Variants in ERV3-1 observed in about 807,000 individuals in gnomAD.
The protein encoded by ERV3-1 is endogenous retrovirus group 3 member 1, envelope.
In ERV3-1, 36 loss-of-function variants were observed where a neutral mutation model predicts 24.6. The observed-to-expected ratio is 1.47, with a 90% CI of 1.12 to 1.94. The LOEUF (loss-of-function observed/expected upper bound fraction) is 1.94, where lower values mean the gene tolerates loss of function less well. Ranked by LOEUF, ERV3-1 falls within the 30% of genes most tolerant of loss-of-function variation. ERV3-1 has a pLI of 0.00. For synonymous variants in ERV3-1, 211 were observed against 122.6 expected (o/e 1.72, Z -4.76); for missense variants, 578 against 330.9 (o/e 1.75, Z -5.79).
chr7:64,994,533 G>A (rs1412753988), intron 1 of ERV3-1, among the ~76,000 whole-genome samples: 1 of 152,134 alleles, frequency 6.6e-6, no homozygotes, highest in African/African-American at 2.4e-5. Context: ...TGCCCATTTT[G>A]CCTCCCTGTC....
chr7:65,006,417 G>C, intron 1 of ERV3-1, 124 bp downstream of exon 1: 2 of 1,446,548 alleles, frequency 1.4e-6, no homozygotes, highest in African/African-American at 2.8e-5. Flanking sequence ...CTGCGCCAAG[G>C]AGAACTCGGG....
At chr7:64,996,972 A>C (rs575420726) in intron 1 of ERV3-1, among the ~76,000 whole-genome samples, 2 of 152,230 alleles carry the variant, frequency 1.3e-5, no homozygotes, top group African/African-American at 4.8e-5. Flanking sequence ...CTTGGGACAC[A>C]ATAGCCCTTG....
chr7:64,998,908 C>T (rs1786462341), intron 1 of ERV3-1, among the ~76,000 whole-genome samples: 1 of 152,212 alleles, frequency 6.6e-6, no homozygotes, highest in African/African-American at 2.4e-5. Flanking sequence ...CCATCTCTTT[C>T]ACATTTATTC....
At position 64,992,291 on chromosome 7, in the gene ERV3-1, G is replaced by T. The variant is rs373567172; in HGVS notation, c.736C>A (p.Arg246Ser). The T allele has an allele frequency of 6.5e-6, 5 of 766,112 alleles. No individual in the cohort carries two copies. Among genetic ancestry groups the T allele is most frequent in the Non-Finnish European group, 1.2e-5 (5 of 417,858 alleles). The allele number at this position is 766,112 out of a possible 1,614,324, so 47.5% of individuals were successfully genotyped here. Residue 246 changes from arginine (R) to serine (S), a missense_variant, in exon 2 of 2, where the codon CGC becomes AGC. Arg to Ser is a moderately radical substitution (Grantham distance 110). Transcript: ENST00000394323. The part of the protein sequence containing the change: ...YLYIIKKTRT[R>S]STQQFRVFES... ...AAAACTCGGAACTGTTGGGTTGAGC[G>T]GGTCCGAGTTTTCTTTATGATATAT...
intron 1 of ERV3-1, among the ~76,000 whole-genome samples, chr7:64,996,395 A>G (rs971689945): frequency 3.3e-5 from 5 of 152,180 alleles, no homozygotes; most frequent in Admixed American, 6.5e-5. Context: ...CAGCCAGCCC[A>G]GGTGGCTTGT....
intron 1 of ERV3-1, among the ~76,000 whole-genome samples, chr7:64,994,314 A>G (rs1786355186): frequency 6.6e-6 from 1 of 152,142 alleles, no homozygotes; most frequent in Non-Finnish European, 1.5e-5. Context: ...TCCATGATGC[A>G]ATTACTTCAC....
chr7:64,993,115 G>A lies in ERV3-1; in HGVS notation c.-89C>T, dbSNP rs1786321328. The A allele has an allele frequency of 3.3e-6, 2 of 613,152 alleles. No individual in the cohort carries two copies. The highest frequency in any genetic ancestry group is 2.7e-5 in the East Asian group (1 of 36,928). The allele number at this position is 613,152 out of a possible 1,614,324, so 38.0% of individuals were successfully genotyped here. ...AATTAATATGACAAGGAAAATTACT[G>A]GACTTCAGATTTCTAACCACATTTA... is the stretch of plus-strand genomic sequence containing the variant. On this transcript the variant is annotated 5_prime_UTR_variant, in exon 2 of 2. Transcript: ENST00000394323.
intron 1 of ERV3-1, among the ~76,000 whole-genome samples, chr7:64,996,675 G>A (rs550516794): frequency 3.3e-5 from 5 of 152,330 alleles, no homozygotes. Context: ...AGGAATTTAT[G>A]TTGGACCTCT....
intron 1 of ERV3-1, among the ~76,000 whole-genome samples, chr7:65,001,725 G>T (rs1373243291): frequency 6.6e-6 from 1 of 152,162 alleles, no homozygotes; most frequent in African/African-American, 2.4e-5. Context: ...TCCAGGCCAG[G>T]CCTCTGAGAT....
rs1786387382 is a variant in ERV3-1, at chr7:64,995,461, G to C, written c.-388-2047C>G. Among the ~76,000 whole-genome samples, 3 of 152,232 alleles carry C rather than the reference G, an allele frequency of 2.0e-5. No individual in the cohort carries two copies. In the South Asian group the frequency reaches 6.2e-4, roughly 32 times the overall value. The stretch of plus-strand genomic sequence containing the variant: ...GCCTGAGTTAGGGCTTCTTTGATTT[G>C]TTTAAACACCTTCTTCTGGTCAGCC... On this transcript the variant is annotated intron_variant, in intron 1 of 1. Transcript: ENST00000394323.
intron 1 of ERV3-1, among the ~76,000 whole-genome samples, chr7:65,003,106 A>G (rs1306385815): frequency 6.6e-6 from 1 of 152,124 alleles, no homozygotes; most frequent in East Asian, 1.9e-4. Flanking sequence ...CACTTTTTTC[A>G]GTATAAAGGC....
intron 1 of ERV3-1, among the ~76,000 whole-genome samples, chr7:64,994,589 TC>T (rs1308267138): frequency 1.3e-5 from 2 of 152,212 alleles, no homozygotes; most frequent in African/African-American, 2.4e-5. Context: ...CCCTCTGGTG[TC>T]CCCTGCAGTG....
At chr7:65,005,821 A>G (rs990744813) in intron 1 of ERV3-1, among the ~76,000 whole-genome samples, 1 of 152,224 alleles carries the variant, frequency 6.6e-6, no homozygotes, top group African/African-American at 2.4e-5. Context: ...CTACTTGCAA[A>G]AAAATCTAAC....
rs200872730 is a variant in ERV3-1, at chr7:64,992,678, C to G, written c.349G>C (p.Val117Leu). The change falls in exon 2 of 2, where the codon GTA becomes CTA. Residue 117 changes from valine (V) to leucine (L), a missense_variant. Val to Leu is a conservative substitution (Grantham distance 32). Transcript: ENST00000394323. ...TKVFPSGKDV[V>L]SLYFDVCQIV... is the part of the protein sequence containing the mutation. ...TGGCAAACATCAAAGTATAAGGATA[C>G]GACATCCTTGCCAGAGGGAAATACC... is the stretch of plus-strand genomic sequence containing the variant. The G allele has an allele frequency of 1.3e-6, 1 of 765,880 alleles. No homozygotes were observed. The highest frequency in any genetic ancestry group is 2.4e-5 in the East Asian group (1 of 41,224). 47.4% of individuals were successfully genotyped at this position (765,880 alleles called of 1,614,324 possible).
rs376544053 is a variant in ERV3-1, at chr7:64,992,940, G to C, written c.87C>G (p.Leu29=). The C allele has an allele frequency of 1.3e-5, 10 of 766,308 alleles. No homozygotes were observed. The African/African-American group carries it at 1.4e-4, about 10-fold the overall frequency. The allele number at this position is 766,308 out of a possible 1,614,324, so 47.5% of individuals were successfully genotyped here. A position where few individuals can be genotyped will look rare whatever the true frequency, so the allele number is the denominator to read the frequency against. ...CCGACCACGTAGTGTGGGTGCAGTG[G>C]AGGCATCCCTCCCAGGGTTCTCCTT... ...MLKGEPWEGC[L]HCTHTTWSGN... Residue 29 remains leucine, a synonymous_variant, in exon 2 of 2, where the codon CTC becomes CTG. Coordinates refer to ENST00000394323, the MANE Select transcript of ERV3-1 (RefSeq NM_001007253.4).
chr7:64,992,154 T>C lies in ERV3-1; in HGVS notation c.873A>G (p.Ser291=), dbSNP rs6957874. Residue 291 remains serine, a synonymous_variant, in exon 2 of 2, where the codon TCA becomes TCG. Coordinates refer to ENST00000394323, the MANE Select transcript of ERV3-1 (RefSeq NM_001007253.4). ...ENIASSLHVA[S]CYVCGGMNMG... ...TGTTCATTCCCCCACAGACATAACA[T>C]GAAGCAACGTGCAGGCTGCTGGCTA... The C allele has an allele frequency of 0.02, 15,658 of 766,306 alleles. 1,384 individuals are homozygous for C. In the African/African-American group the frequency reaches 0.21, roughly 10 times the overall value. 47.5% of individuals were successfully genotyped at this position (766,306 alleles called of 1,614,324 possible).
intron 1 of ERV3-1, among the ~76,000 whole-genome samples, chr7:64,995,998 C>T (rs1021168956): frequency 1.3e-4 from 20 of 152,190 alleles, no homozygotes; most frequent in African/African-American, 4.6e-4. Context: ...CATTAAAATG[C>T]AAAGATGGGC....
intron 1 of ERV3-1, among the ~76,000 whole-genome samples, chr7:65,002,698 C>A (rs1786550973): frequency 6.6e-6 from 1 of 152,216 alleles, no homozygotes; most frequent in Non-Finnish European, 1.5e-5. Flanking sequence ...TTGAGCTACT[C>A]TCAGTCTGAG....
chr7:64,997,071 G>A (rs1359469080), intron 1 of ERV3-1, among the ~76,000 whole-genome samples: 1 of 151,974 alleles, frequency 6.6e-6, no homozygotes, highest in East Asian at 1.9e-4. Context: ...TTTTTGCATT[G>A]CGCACATTGA....
Sources: gnomAD v4.1 joint callset for allele counts (sites outside exome capture counted in the v4.1 genomes callset) on GRCh38, gnomAD v4.1.1 for gene constraint, MANE v1.5 for transcripts, NCBI Gene and HGNC (gene_info 2026-07-23, HGNC 2026-07-21) for gene names.